BSN: variants seen among roughly 807,000 people sequenced by gnomAD.
BSN encodes the protein bassoon presynaptic cytomatrix protein.
A neutral mutation model predicts 264.8 loss-of-function variants in BSN; 57 were observed. That is an observed-to-expected ratio of 0.22 (90% confidence interval 0.17 to 0.27). BSN has a LOEUF of 0.27. Ranked by LOEUF, BSN falls within the 10% of genes least tolerant of loss-of-function variation. The pLI is 1.00. For synonymous variants in BSN, 2,059 were observed against 2,137.3 expected, an observed-to-expected ratio of 0.96 and a Z score of 1.01; for missense variants, 4,615 against 5,232.5, an observed-to-expected ratio of 0.88 and a Z score of 3.64.
At chr3:49,637,866 G>A (rs551994256) in intron 2 of BSN, among the ~76,000 whole-genome samples, 8 of 152,202 alleles carry the variant, frequency 5.3e-5, no homozygotes, top group Non-Finnish European at 1.2e-4. Context: ...CCACTGGGTC[G>A]GGGTGCACGG....
chr3:49,606,260 T>C (rs1269100868), intron 1 of BSN, among the ~76,000 whole-genome samples: 96 of 52,170 alleles, frequency 1.8e-3, no homozygotes, highest in Non-Finnish European at 2.2e-3. Flanking sequence ...ATATATAAAA[T>C]ATATATAATA....
Position 49,652,646 on chromosome 3 carries a change from C to G in BSN, c.3090C>G (p.His1030Gln). ...AGCGCAAGGCCCGGCACCGCTCCCA[C>G]GGGCCCCTGCTACCCACCATCGAGG... ...KQQRKARHRS[H>Q]GPLLPTIEDS... is the part of the protein sequence containing the mutation. The change falls in exon 5 of 12, where the codon CAC becomes CAG. Residue 1030 changes from histidine to glutamine, a missense_variant. This residue lies in a region of BSN where 1,197 missense variants were observed against 1,348.0 expected (regional missense o/e 0.89). Coordinates refer to ENST00000296452, the MANE Select transcript of BSN (RefSeq NM_003458.4). 1 of 1,608,122 alleles carries G rather than the reference C, an allele frequency of 6.2e-7. No individual in the cohort carries two copies. Among genetic ancestry groups the G allele is most frequent in the Non-Finnish European group, 8.5e-7 (1 of 1,177,188 alleles).
rs931195826 is a variant in BSN at position 49,668,824 on chromosome 3, G to A, written c.*1339G>A. The A allele has an allele frequency of 2.0e-5, 3 of 152,676 alleles. No individual in the cohort carries two copies. The highest frequency in any genetic ancestry group is 4.4e-5 in the Non-Finnish European group (3 of 68,056). 9.5% of individuals were successfully genotyped at this position (152,676 alleles called of 1,614,324 possible). A position where few individuals can be genotyped will look rare whatever the true frequency, so the allele number is the denominator to read the frequency against. On this transcript the variant is annotated 3_prime_UTR_variant, in exon 12 of 12. Transcript: ENST00000296452. ...CCTTTCATCTGGGGCACAGCCACAA[G>A]TCTCATCTCTAACGTTCTATGCAAT...
intron 1 of BSN, among the ~76,000 whole-genome samples, chr3:49,580,551 C>T (rs2051888730): frequency 6.6e-6 from 1 of 152,002 alleles, no homozygotes; most frequent in Non-Finnish European, 1.5e-5. Context: ...CTCATCTCAG[C>T]CTCCCGGGCT....
In BSN at chr3:49,653,293, A is replaced by G; in HGVS notation, c.3737A>G (p.Glu1246Gly). 3 of 1,612,334 alleles carry G rather than the reference A, an allele frequency of 1.9e-6. No individual in the cohort carries two copies. The highest frequency in any genetic ancestry group is 2.5e-6 in the Non-Finnish European group (3 of 1,179,766). ...EYGQAAQPAA[E>G]GTPASLGAAV... ...GGCCAGGCTGCTCAGCCTGCCGCAG[A>G]GGGCACGCCAGCCAGCCTGGGAGCA... The change falls in exon 5 of 12, where the codon GAG becomes GGG. Residue 1246 changes from glutamate (E) to glycine (G), a missense_variant. Physicochemically the swap from Glu to Gly is moderately conservative, Grantham distance 98 (BLOSUM62 -2). Transcript: ENST00000296452. This position sits in a 1 kb window ranked among gnomAD's most constrained non-coding sequence, Gnocchi z 6.3.
At chr3:49,627,354 C>T (rs1029998378) in intron 2 of BSN, among the ~76,000 whole-genome samples, 3 of 152,186 alleles carry the variant, frequency 2.0e-5, no homozygotes, top group African/African-American at 7.2e-5. Flanking sequence ...CCCTTCTCTG[C>T]TGGGGTTTTC....
intron 2 of BSN, among the ~76,000 whole-genome samples, chr3:49,640,052 T>C (rs1234243070): frequency 6.6e-6 from 1 of 151,728 alleles, no homozygotes; most frequent in African/African-American, 2.4e-5. Flanking sequence ...CACGTGTGGG[T>C]AAATAAAAGG....
intron 3 of BSN, among the ~76,000 whole-genome samples, chr3:49,645,451 C>A (rs1159914366): frequency 6.6e-6 from 1 of 152,190 alleles, no homozygotes; most frequent in Non-Finnish European, 1.5e-5. Context: ...TCTGCACCTG[C>A]TCCATGGACC....
At chr3:49,571,524 G>C (rs1157326557) in intron 1 of BSN, among the ~76,000 whole-genome samples, 1 of 152,118 alleles carries the variant, frequency 6.6e-6, no homozygotes, top group Non-Finnish European at 1.5e-5. Flanking sequence ...AGGGCCAGAA[G>C]AGCCCAGGAC....
In BSN at chr3:49,642,243, C is replaced by G. The variant is rs749280402; in HGVS notation, c.634-25C>G. On this transcript the variant is annotated intron_variant, in intron 2 of 11. Coordinates refer to ENST00000296452, the MANE Select transcript of BSN (RefSeq NM_003458.4). The surrounding 1 kb of genome is among the most constrained non-coding windows in gnomAD (Gnocchi z 7.0). ...AGTACTGCCAATCCTGGCCACCCTG[C>G]TGACTATTTTGCTTTTCTCCTCAGG... 6.7e-6 allele frequency: 10 copies of G among 1,497,158 alleles called. No homozygotes were observed. The highest frequency in any genetic ancestry group is 8.0e-6 in the Non-Finnish European group (9 of 1,121,530). 92.7% of individuals were successfully genotyped at this position (1,497,158 alleles called of 1,614,324 possible). A position where few individuals can be genotyped will look rare whatever the true frequency, so the allele number is the denominator to read the frequency against.
chr3:49,613,778 G>C (rs1220505789), intron 1 of BSN, among the ~76,000 whole-genome samples: 2 of 152,128 alleles, frequency 1.3e-5, no homozygotes, highest in South Asian at 4.2e-4. Flanking sequence ...AAAGTGCTGG[G>C]ATTACAGGCA....
downstream of BSN, among the ~76,000 whole-genome samples, chr3:49,672,278 A>G (rs2052789505): frequency 6.6e-6 from 1 of 152,062 alleles, no homozygotes; most frequent in African/African-American, 2.4e-5. Context: ...CCATTAGTTC[A>G]TAGCCAGTCT....
chr3:49,661,066 G>C lies in BSN; in HGVS notation c.9221G>C (p.Gly3074Ala). The C allele has an allele frequency of 6.2e-7, 1 of 1,611,922 alleles. No individual in the cohort carries two copies. Among genetic ancestry groups the C allele is most frequent in the Non-Finnish European group, 8.5e-7 (1 of 1,179,854 alleles). Residue 3074 changes from glycine to alanine, a missense_variant, in exon 6 of 12, where the codon GGA becomes GCA. Transcript: ENST00000296452. ...GGCAGTGGTGGGCCAACTCAGAACG[G>C]ATTCCCAGCCCACCAGGCCCCCACC... ...SAGSGGPTQNGFPAHQAPTYP... is the reference protein window; with the variant it reads ...SAGSGGPTQNAFPAHQAPTYP...
chr3:49,564,268 G>A (rs961177401), intron 1 of BSN, among the ~76,000 whole-genome samples: 2 of 152,156 alleles, frequency 1.3e-5, no homozygotes, highest in Non-Finnish European at 2.9e-5. Flanking sequence ...CTTTATGAGA[G>A]CTTTTGGGCA....
chr3:49,645,257 C>T (rs2052496338), intron 3 of BSN, among the ~76,000 whole-genome samples: 1 of 152,238 alleles, frequency 6.6e-6, no homozygotes, highest in South Asian at 2.1e-4. Flanking sequence ...TCTCTAACTC[C>T]TTTCTCATAG....
Position 49,642,360 on chromosome 3 carries a change from G to A in BSN, c.726G>A (p.Leu242=). 1.3e-6 allele frequency: 2 copies of A among 1,598,070 alleles called. No homozygotes were observed. Among genetic ancestry groups the A allele is most frequent in the Non-Finnish European group, 8.5e-7 (1 of 1,172,190 alleles). The change falls in exon 3 of 12, where the codon CTG becomes CTA. Residue 242 remains leucine (L), a synonymous_variant. Transcript: ENST00000296452. The surrounding 1 kb of genome is among the most constrained non-coding windows in gnomAD (Gnocchi z 7.0). ...CTCGCTCCAAGAGCCAGCAGCAGCT[G>A]CACTCCCCAGCCCTGTCTCCTGCCC... ...TAPRSKSQQQ[L]HSPALSPAHS...
chr3:49,595,612 C>T (rs1261491217), intron 1 of BSN, among the ~76,000 whole-genome samples: 3 of 152,166 alleles, frequency 2.0e-5, no homozygotes, highest in Admixed American at 6.5e-5. Context: ...CCACTTTGGC[C>T]TCCCAAAGTG....
chr3:49,617,642 A>G (rs1297573662), intron 1 of BSN, among the ~76,000 whole-genome samples: 3 of 152,080 alleles, frequency 2.0e-5, no homozygotes, highest in African/African-American at 4.8e-5. Flanking sequence ...CCCAGCGGCC[A>G]TATTTTGGCG....
chr3:49,579,406 A>ATT (rs746381369), intron 1 of BSN, among the ~76,000 whole-genome samples: 5 of 142,560 alleles, frequency 3.5e-5, no homozygotes, highest in Non-Finnish European at 6.2e-5. Context: ...GCGCTTTACA[A>ATT]TTTTTTTTTT....
Sources: gnomAD v4.1 joint callset for allele counts (sites outside exome capture counted in the v4.1 genomes callset) on GRCh38, gnomAD v4.1.1 for gene constraint, gnomAD v4.1.1 regional missense constraint, Gnocchi (gnomAD v3.1) non-coding constraint, MANE v1.5 for transcripts, NCBI Gene and HGNC (gene_info 2026-07-23, HGNC 2026-07-21) for gene names.